The following CSTF2 variants were observed in gnomAD, a reference collection of about 807,000 sequenced individuals.
CSTF2 encodes the protein cleavage stimulation factor subunit 2, also known as CF-1 64 kDa subunit.
A neutral mutation model predicts 45.4 loss-of-function variants in CSTF2; 8 were observed. The observed-to-expected ratio is 0.18, with a 90% CI of 0.10 to 0.32. CSTF2 has a LOEUF of 0.32. Among genes scored for constraint, CSTF2 ranks in the 10% least tolerant of loss-of-function variants. CSTF2 has a pLI of 1.00. For synonymous variants in CSTF2, 155 were observed against 158.9 expected, an observed-to-expected ratio of 0.98 and a Z score of 0.18; for missense variants, 253 against 477.1, an observed-to-expected ratio of 0.53 and a Z score of 4.38.
chrX:100,832,646 C>CT, intron 9 of CSTF2, 88 bp from the exon 10 acceptor site: 1 of 826,305 alleles, frequency 1.2e-6, no homozygotes, highest in Non-Finnish European at 1.7e-6. Context: ...TACATCAGCT[C>CT]TTTGTTGGAT....
rs1056616262 is a variant in CSTF2, at chrX:100,823,431, G to A, written c.444+3G>A. 8.3e-7 allele frequency: 1 copy of A among 1,210,834 alleles called. No individual in the cohort carries two copies. The highest frequency in any genetic ancestry group is 1.7e-5 in the African/African-American group (1 of 57,710). On this transcript the variant is annotated splice_donor_region_variant and intron_variant, in intron 4 of 13. Coordinates refer to ENST00000372972, the MANE Select transcript of CSTF2 (RefSeq NM_001325.3). ...TTGAGCTGATGAAACAAATGAAGGT[G>A]GGAGGAGGCATTAGGTTATGAATAA...
intron 3 of CSTF2, 186 bp downstream of exon 3, chrX:100,822,606 ATTT>A: frequency 2.3e-6 from 1 of 439,926 alleles, no homozygotes; most frequent in Non-Finnish European, 3.8e-6. Context: ...CTTTTTATAA[ATTT>A]TTTTTCAAGT....
chrX:100,827,808 T>A (rs1191496627), intron 7 of CSTF2, among the ~76,000 whole-genome samples: 1 of 112,242 alleles, frequency 8.9e-6, no homozygotes, highest in Non-Finnish European at 1.9e-5. Flanking sequence ...TGGTAACCAA[T>A]GAAATGAATT....
chrX:100,820,543 G>C, intron 1 of CSTF2, 69 bp downstream of exon 1: 1 of 1,083,544 alleles, frequency 9.2e-7, no homozygotes, highest in Non-Finnish European at 1.3e-6. Context: ...CTCATGAATC[G>C]CTACCGGAGC....
Position 100,828,957 on chromosome X carries a change from C to CT in CSTF2, c.889+857dup, listed in dbSNP as rs779720984. Among the ~76,000 whole-genome samples, 6 of 111,688 alleles carry CT rather than the reference C, an allele frequency of 5.4e-5. No homozygotes were observed. The South Asian group carries it at 2.3e-3, about 43-fold the overall frequency. On this transcript the variant is annotated intron_variant, in intron 8 of 13. Coordinates refer to ENST00000372972, the MANE Select transcript of CSTF2 (RefSeq NM_001325.3). ...AGTAATGTGGACTGGATTTGGTGCT[C>CT]TTATTTTCTCTTCCAACTAGTAAGT...
intron 4 of CSTF2, 65 bp downstream of exon 4, chrX:100,823,493 T>C (rs2084929387): frequency 1.8e-6 from 2 of 1,136,734 alleles, no homozygotes; most frequent in African/African-American, 3.6e-5. Context: ...GTTACTTGAA[T>C]TAGTTCCCTG....
intron 6 of CSTF2, among the ~76,000 whole-genome samples, chrX:100,825,159 T>C (rs1376451124): frequency 8.9e-6 from 1 of 112,185 alleles, no homozygotes; most frequent in Non-Finnish European, 1.9e-5. Flanking sequence ...TTTTGAAACA[T>C]TAAGAAGACG....
intron 11 of CSTF2, among the ~76,000 whole-genome samples, chrX:100,834,402 C>G (rs2084995425): frequency 8.9e-6 from 1 of 112,014 alleles, no homozygotes; most frequent in South Asian, 3.7e-4. Flanking sequence ...ACCAAATTCA[C>G]ATGACTAAAA....
chrX:100,839,774 C>T (rs1488216478), intron 13 of CSTF2, among the ~76,000 whole-genome samples: 9 of 111,255 alleles, frequency 8.1e-5, no homozygotes, highest in Non-Finnish European at 1.5e-4. Flanking sequence ...ATTTCTTTTA[C>T]TAATTTACTT....
chrX:100,840,405 TG>T (rs1295253529), intron 13 of CSTF2, among the ~76,000 whole-genome samples: 2 of 111,569 alleles, frequency 1.8e-5, no homozygotes, highest in Non-Finnish European at 3.8e-5. Flanking sequence ...TGGCATTCAG[TG>T]GGTAGAGGCC....
At chrX:100,839,464 A>G (rs2085028299) in intron 13 of CSTF2, among the ~76,000 whole-genome samples, 1 of 111,532 alleles carries the variant, frequency 9.0e-6, no homozygotes, top group Non-Finnish European at 1.9e-5. Context: ...TTTTTACCCC[A>G]TCCATATTAT....
intron 8 of CSTF2, chrX:100,830,803 C>T (rs1391532013): frequency 4.4e-5 from 50 of 1,148,468 alleles, no homozygotes; most frequent in Non-Finnish European, 1.0e-5. Flanking sequence ...TTACTGCTTA[C>T]CTAGGAACCC....
At chrX:100,828,186 C>A in intron 8 of CSTF2, 84 bp downstream of exon 8, 2 of 660,526 alleles carry the variant, frequency 3.0e-6, no homozygotes, top group Non-Finnish European at 2.3e-6. Flanking sequence ...CAGCCACTAA[C>A]CACCCATGGC....
intron 3 of CSTF2, 46 bp from the exon 4 acceptor site, chrX:100,823,246 T>A: frequency 8.4e-7 from 1 of 1,189,432 alleles, no homozygotes; most frequent in Non-Finnish European, 1.1e-6. Context: ...ATGATTTAGC[T>A]TTTTGTTTTG....
chrX:100,838,147 G>T, intron 12 of CSTF2, 92 bp from the exon 13 acceptor site: 2 of 915,967 alleles, frequency 2.2e-6, no homozygotes, highest in African/African-American at 2.0e-5. Context: ...GTAGCTTTTT[G>T]GACAGAAGCT....
At chrX:100,820,863 G>A (rs1380735455) in intron 1 of CSTF2, among the ~76,000 whole-genome samples, 1 of 111,968 alleles carries the variant, frequency 8.9e-6, no homozygotes, top group Non-Finnish European at 1.9e-5. Context: ...CTCTCCTAAG[G>A]ACTTTCATCC....
chrX:100,838,272 G>A lies in CSTF2; in HGVS notation c.1645G>A (p.Ala549Thr), dbSNP rs2085021333. The A allele has an allele frequency of 8.3e-7, 1 of 1,199,393 alleles. No individual in the cohort carries two copies. The highest frequency in any genetic ancestry group is 1.8e-5 in the African/African-American group (1 of 56,284). ...GATTATGCAGGTTCTACAACTGACT[G>A]CAGACCAGATTGCCATGTTGCCTCC... Reference protein sequence around the residue: ...ALIMQVLQLTADQIAMLPPEQ... With the variant: ...ALIMQVLQLTTDQIAMLPPEQ... The change falls in exon 13 of 14, where the codon GCA (alanine) becomes ACA (threonine). Residue 549 changes from alanine (A) to threonine (T), a missense_variant. By Grantham distance (58) the Ala-to-Thr change is moderately conservative. Coordinates refer to ENST00000372972, the MANE Select transcript of CSTF2 (RefSeq NM_001325.3).
Position 100,826,720 on chromosome X carries a change from T to A in CSTF2, c.789T>A (p.Ala263=). 8.3e-7 allele frequency: 1 copy of A among 1,211,016 alleles called. No individual in the cohort carries two copies. The highest frequency in any genetic ancestry group is 1.1e-6 in the Non-Finnish European group (1 of 895,026). The part of the protein sequence containing the change: ...GVPAPGQMPA[A]VTGPGPGSLA... ...CAGCACCAGGGCAAATGCCAGCTGC[T>A]GTCACAGGACCTGGCCCTGGTTCCT... The change falls in exon 7 of 14, where the codon GCT becomes GCA. Residue 263 remains alanine (A), a synonymous_variant. Coordinates refer to ENST00000372972, the MANE Select transcript of CSTF2 (RefSeq NM_001325.3).
chrX:100,825,710 A>G (rs2084940411), intron 6 of CSTF2, among the ~76,000 whole-genome samples: 1 of 111,591 alleles, frequency 9.0e-6, no homozygotes. Context: ...GTTCCGTTAA[A>G]AGTTTGTTTA....
Sources: gnomAD v4.1 joint callset for allele counts (sites outside exome capture counted in the v4.1 genomes callset) on GRCh38, gnomAD v4.1.1 for gene constraint, MANE v1.5 for transcripts, NCBI Gene and HGNC (gene_info 2026-07-23, HGNC 2026-07-21) for gene names.